The following AFDN variants were observed in gnomAD, a reference collection of about 807,000 sequenced individuals.
AFDN encodes the protein afadin, adherens junction formation factor.
AFDN carries 68 observed loss-of-function variants against 216.6 expected under a neutral mutation model. That is an observed-to-expected ratio of 0.31 (90% CI 0.26 to 0.38). AFDN has a LOEUF of 0.38. Ranked by LOEUF, AFDN falls within the 10% of genes least tolerant of loss-of-function variation. The pLI is 1.00. For missense variants in AFDN, 2,136 were observed against 2,342.0 expected, an observed-to-expected ratio of 0.91 and a Z score of 1.82; for synonymous variants, 868 against 853.7, an observed-to-expected ratio of 1.02 and a Z score of -0.29.
intron 29 of AFDN, among the ~76,000 whole-genome samples, chr6:167,950,352 T>A (rs1228367730): frequency 6.6e-6 from 1 of 152,136 alleles, no homozygotes; most frequent in Non-Finnish European, 1.5e-5. Flanking sequence ...ATTTCTCAGA[T>A]TTTAGACTAG....
Position 167,951,540 on chromosome 6 carries a change from C to G in AFDN, c.4186C>G (p.Pro1396Ala). Residue 1396 changes from proline (P) to alanine (A), a missense_variant, in exon 30 of 34, where the codon CCA (proline) becomes GCA (alanine). By Grantham distance (27) the Pro-to-Ala change is conservative. This residue lies in a region of AFDN where 981 missense variants were observed against 966.0 expected (regional missense o/e 1.02). Transcript: ENST00000683244. The surrounding 1 kb of genome is among the most constrained non-coding windows in gnomAD (Gnocchi z 7.1). ...TGGAATGTCCATGGATTTGCCTCTC[C>G]CACCACCCCCTTCCGCCAACCAGAT... The part of the protein sequence containing the change: ...FDGMSMDLPL[P>A]PPPSANQIGL... 6.2e-7 allele frequency: 1 copy of G among 1,613,838 alleles called. No individual in the cohort carries two copies. The highest frequency in any genetic ancestry group is 8.5e-7 in the Non-Finnish European group (1 of 1,179,844).
At chr6:167,856,844 C>T (rs895939340) in intron 1 of AFDN, among the ~76,000 whole-genome samples, 1 of 151,894 alleles carries the variant, frequency 6.6e-6, no homozygotes, top group African/African-American at 2.4e-5. Context: ...ATTTATTAAG[C>T]CTGTTTTATG....
intron 1 of AFDN, among the ~76,000 whole-genome samples, chr6:167,843,150 T>C (rs1430207558): frequency 6.6e-6 from 1 of 152,206 alleles, no homozygotes; most frequent in Non-Finnish European, 1.5e-5. Flanking sequence ...GATTAGCCTA[T>C]GTGCAAATAT....
chr6:167,897,340 T>G (rs1007459950), intron 10 of AFDN, among the ~76,000 whole-genome samples: 1 of 152,230 alleles, frequency 6.6e-6, no homozygotes, highest in Non-Finnish European at 1.5e-5. Flanking sequence ...CGGTAAATTC[T>G]AATTAAATTT....
intron 8 of AFDN, among the ~76,000 whole-genome samples, chr6:167,891,402 GGGGTGGGTGTGTGTGTGT>G (rs1787556866): frequency 9.9e-6 from 1 of 101,382 alleles, no homozygotes; most frequent in African/African-American, 3.6e-5. Context: ...ATTTCATAAA[GGGGTGGGTGTGTGTGTGT>G]GTGTGTGTGT....
At chr6:167,836,788 A>G (rs1355842712) in intron 1 of AFDN, among the ~76,000 whole-genome samples, 1 of 152,256 alleles carries the variant, frequency 6.6e-6, no homozygotes, top group Non-Finnish European at 1.5e-5. Context: ...GCTTATTAGC[A>G]AACATTGTTT....
intron 23 of AFDN, among the ~76,000 whole-genome samples, chr6:167,927,187 G>A (rs1792659752): frequency 6.6e-6 from 1 of 152,146 alleles, no homozygotes; most frequent in Admixed American, 6.5e-5. Flanking sequence ...AGATGAATGG[G>A]CGTTGTAGCG....
chr6:167,884,358 C>G (rs893408707), intron 6 of AFDN, among the ~76,000 whole-genome samples: 25 of 152,132 alleles, frequency 1.6e-4, no homozygotes, highest in African/African-American at 6.0e-4. Flanking sequence ...TGAATACTTT[C>G]CAGGTTTTCA....
chr6:167,945,163 A>G (rs1582997880), intron 26 of AFDN, among the ~76,000 whole-genome samples: 2 of 150,102 alleles, frequency 1.3e-5, no homozygotes, highest in African/African-American at 4.9e-5. Context: ...GTGATTTTCT[A>G]TTTTTTTTTT....
At chr6:167,879,625 G>A (rs1785859309) in intron 5 of AFDN, among the ~76,000 whole-genome samples, 2 of 152,144 alleles carry the variant, frequency 1.3e-5, no homozygotes, top group Admixed American at 6.5e-5. Flanking sequence ...CACCAAAAGT[G>A]ACAATATTAT....
At chr6:167,901,571 G>T (rs971054369) in intron 11 of AFDN, among the ~76,000 whole-genome samples, 6 of 152,034 alleles carry the variant, frequency 3.9e-5, no homozygotes, top group Non-Finnish European at 8.8e-5. Flanking sequence ...TTAATTTGTA[G>T]CCTAAGTAGT....
At chr6:167,964,614 CTGTGTGTGTGTGTGTGTGTGTG>C (rs369928994) in intron 31 of AFDN, 93 of 960,084 alleles carry the variant, frequency 9.7e-5, no homozygotes, top group East Asian at 1.1e-4. Context: ...CGTATTCACT[CTGTGTGTGTGTGTGTGTGTGTG>C]TGTGTGTGTG....
intron 1 of AFDN, among the ~76,000 whole-genome samples, chr6:167,839,743 A>G (rs562636814): frequency 7.9e-5 from 12 of 152,354 alleles, no homozygotes; most frequent in Admixed American, 3.3e-4. Flanking sequence ...CTTAATTGAC[A>G]CATGGTCTTT....
intron 11 of AFDN, among the ~76,000 whole-genome samples, chr6:167,900,342 A>T (rs1393390962): frequency 6.6e-6 from 1 of 152,154 alleles, no homozygotes; most frequent in East Asian, 1.9e-4. Flanking sequence ...TTTGATATTG[A>T]TAGTTTGGGA....
chr6:167,882,281 A>C (rs971689042), intron 6 of AFDN, among the ~76,000 whole-genome samples: 1 of 152,148 alleles, frequency 6.6e-6, no homozygotes, highest in African/African-American at 2.4e-5. Flanking sequence ...AAATAAGGAA[A>C]TCTACCTAAA....
At chr6:167,907,865 G>A (rs558525005) in intron 13 of AFDN, among the ~76,000 whole-genome samples, 62 of 151,640 alleles carry the variant, frequency 4.1e-4, no homozygotes, top group Non-Finnish European at 8.2e-4. Context: ...GATTTTTAAC[G>A]TGTCACCTTA....
Position 167,948,284 on chromosome 6 carries a change from A to G in AFDN, c.3646-9A>G. 3 of 1,589,438 alleles carry G rather than the reference A, an allele frequency of 1.9e-6. No individual in the cohort carries two copies. The highest frequency in any genetic ancestry group is 1.4e-5 in the African/African-American group (1 of 73,532). On this transcript the variant is annotated splice_polypyrimidine_tract_variant and intron_variant, in intron 28 of 33. Coordinates refer to ENST00000683244, the MANE Select transcript of AFDN (RefSeq NM_001386888.1). ...AAAGCTCACTTTTTTTGTTCTTCAC[A>G]TTTTACAGGAGCAGACGCCTCCGCC... is the stretch of plus-strand genomic sequence containing the variant.
rs562607610 is a variant in AFDN, at chr6:167,964,058, G to A, written c.4968+1491G>A. 48 of 1,064,476 alleles carry A rather than the reference G, an allele frequency of 4.5e-5. No homozygotes were observed. The Admixed American group carries it at 2.1e-3, about 47-fold the overall frequency. 65.9% of individuals were successfully genotyped at this position (1,064,476 alleles called of 1,614,324 possible). A position where few individuals can be genotyped will look rare whatever the true frequency, so the allele number is the denominator to read the frequency against. On this transcript the variant is annotated intron_variant, in intron 31 of 33. Transcript: ENST00000683244. ...CACAGTGCACATGCAGAGAGGACCA[G>A]GCCATGTTTTTCCTGTGCTGAGAAA... is the stretch of plus-strand genomic sequence containing the variant.
chr6:167,914,002 A>G lies in AFDN; in HGVS notation c.2059-166A>G, dbSNP rs79251949. Reference sequence around the variant, plus strand: ...CAGTGGTTATTTACTTCCCATTGCTATGTATGCACCCAAATTATTTTGCAA... The same window carrying G: ...CAGTGGTTATTTACTTCCCATTGCTGTGTATGCACCCAAATTATTTTGCAA... On this transcript the variant is annotated intron_variant, in intron 16 of 33. Transcript: ENST00000683244. 777 of 613,036 alleles carry G rather than the reference A, an allele frequency of 1.3e-3. 10 individuals are homozygous for G. The highest frequency in any genetic ancestry group is 0.011 in the African/African-American group (619 of 53,980). 38.0% of individuals were successfully genotyped at this position (613,036 alleles called of 1,614,324 possible).
Sources: gnomAD v4.1 joint callset for allele counts (sites outside exome capture counted in the v4.1 genomes callset) on GRCh38, gnomAD v4.1.1 for gene constraint, gnomAD v4.1.1 regional missense constraint, Gnocchi (gnomAD v3.1) non-coding constraint, MANE v1.5 for transcripts, NCBI Gene and HGNC (gene_info 2026-07-23, HGNC 2026-07-21) for gene names.